Variants in GAN observed in about 807,000 individuals in gnomAD.
The protein encoded by GAN is gigaxonin.
In GAN, 48 loss-of-function variants were observed where a neutral mutation model predicts 71.3. The ratio of observed to expected loss-of-function variants is 0.67; its 90% CI spans 0.53 to 0.86. GAN has a LOEUF of 0.86. Ranked by LOEUF, GAN falls within the 40% of genes least tolerant of loss-of-function variation. The probability of loss-of-function intolerance (pLI) is 0.00; values close to 1 mark genes in which losing one functional copy is unlikely to be tolerated. For synonymous variants in GAN, 386 were observed against 276.8 expected (o/e 1.39, Z -3.92); for missense variants, 928 against 770.1 (o/e 1.21, Z -2.43).
Position 81,351,571 on chromosome 16 carries a change from TC to T in GAN, c.168-9del. The T allele has an allele frequency of 9.1e-7, 1 of 1,099,358 alleles. No homozygotes were observed. The allele number at this position is 1,099,358 out of a possible 1,614,324, so 68.1% of individuals were successfully genotyped here. Reference sequence around the variant, plus strand: ...CTTTCATAGAAATTTTACATTTTTTTCCCTTTCTTAGGACAAAGTTAAACTA... The same window carrying T: ...CTTTCATAGAAATTTTACATTTTTTTCCTTTCTTAGGACAAAGTTAAACTA... On this transcript the variant is annotated splice_polypyrimidine_tract_variant and intron_variant, in intron 1 of 10. Transcript: ENST00000648994.
chr16:81,330,996 A>G (rs987683550), intron 1 of GAN, among the ~76,000 whole-genome samples: 1 of 152,192 alleles, frequency 6.6e-6, no homozygotes, highest in Non-Finnish European at 1.5e-5. Flanking sequence ...GCTTAAGCCC[A>G]GCAGTCTAGA....
chr16:81,376,315 A>G (rs1904279455), intron 9 of GAN, among the ~76,000 whole-genome samples: 2 of 152,248 alleles, frequency 1.3e-5, no homozygotes, highest in South Asian at 2.1e-4. Context: ...GAACGTCAAC[A>G]GGTGAATGAA....
In GAN at chr16:81,386,258, T is replaced by TC. The variant is rs778237067; in HGVS notation, c.*8663dup. ...ACTAAAGTTGAATTTTCCTTTTTTT[T>TC]CATTGAAATAGCAAAGGTAGTAATC... On this transcript the variant is annotated 3_prime_UTR_variant, in exon 11 of 11. Transcript: ENST00000648994. The TC allele has an allele frequency of 6.6e-6, 1 of 152,252 alleles. No homozygotes were observed. Among genetic ancestry groups the TC allele is most frequent in the Non-Finnish European group, 1.5e-5 (1 of 68,046 alleles). The allele number at this position is 152,252 out of a possible 1,614,324, so 9.4% of individuals were successfully genotyped here.
intron 2 of GAN, among the ~76,000 whole-genome samples, chr16:81,352,588 G>A (rs1306664472): frequency 6.6e-6 from 1 of 151,974 alleles, no homozygotes; most frequent in African/African-American, 2.4e-5. Flanking sequence ...TTCTGTAGGG[G>A]CTGTTTGTCT....
chr16:81,376,648 ATG>A (rs965287329), intron 9 of GAN, among the ~76,000 whole-genome samples: 2 of 150,764 alleles, frequency 1.3e-5, no homozygotes, highest in Non-Finnish European at 2.9e-5. Flanking sequence ...GTGTGTATAT[ATG>A]TGTGTATATA....
rs1338473014 is a variant in GAN at position 81,388,132 on chromosome 16, G to C, written c.*10536G>C. 6.6e-6 allele frequency: 1 copy of C among 152,244 alleles called. No homozygotes were observed. Among genetic ancestry groups the C allele is most frequent in the Admixed American group, 6.5e-5 (1 of 15,276 alleles). The allele number at this position is 152,244 out of a possible 1,614,324, so 9.4% of individuals were successfully genotyped here. The stretch of plus-strand genomic sequence containing the variant: ...GGTGGAGGAAGGGTATTTTGGCCAT[G>C]TTCGGAGTCGTTGTTTTTACTCACT... On this transcript the variant is annotated 3_prime_UTR_variant, in exon 11 of 11. Transcript: ENST00000648994.
chr16:81,360,890 T>C (rs994278809), intron 5 of GAN, among the ~76,000 whole-genome samples: 58 of 152,350 alleles, frequency 3.8e-4, no homozygotes, highest in African/African-American at 1.3e-3. Context: ...ATTTTTGGTA[T>C]GTCTGATATC....
chr16:81,338,768 A>G (rs1056645560), intron 1 of GAN, among the ~76,000 whole-genome samples: 1 of 152,232 alleles, frequency 6.6e-6, no homozygotes, highest in Non-Finnish European at 1.5e-5. Flanking sequence ...TGTGAATGGC[A>G]GAAGGCTGTG....
intron 1 of GAN, among the ~76,000 whole-genome samples, chr16:81,336,437 TA>T (rs942034780): frequency 1.3e-5 from 2 of 152,176 alleles, no homozygotes; most frequent in African/African-American, 4.8e-5. Context: ...GAATGGGTAC[TA>T]AAAACATCCT....
intron 1 of GAN, among the ~76,000 whole-genome samples, chr16:81,326,778 C>T (rs142152892): frequency 2.6e-5 from 4 of 152,218 alleles, no homozygotes; most frequent in East Asian, 1.9e-4. Context: ...TACAACACAG[C>T]GGCAAGTATA....
chr16:81,376,559 ATATATATGTG>A (rs1904281177), intron 9 of GAN, among the ~76,000 whole-genome samples: 2 of 147,072 alleles, frequency 1.4e-5, no homozygotes, highest in African/African-American at 5.3e-5. Flanking sequence ...ACACATATAC[ATATATATGTG>A]TATATGTGTA....
At chr16:81,346,252 C>T (rs1910114903) in intron 1 of GAN, among the ~76,000 whole-genome samples, 1 of 152,164 alleles carries the variant, frequency 6.6e-6, no homozygotes, top group Non-Finnish European at 1.5e-5. Flanking sequence ...GTAAAGAAAA[C>T]TCTAAAAAAT....
Position 81,356,983 on chromosome 16 carries a change from G to T in GAN, c.832G>T (p.Val278Phe). 6.2e-7 allele frequency: 1 copy of T among 1,607,312 alleles called. No individual in the cohort carries two copies. Among genetic ancestry groups the T allele is most frequent in the Non-Finnish European group, 8.5e-7 (1 of 1,174,496 alleles). The change falls in exon 4 of 11, where the codon GTT (valine) becomes TTT (phenylalanine). Residue 278 changes from valine to phenylalanine, a missense_variant. Val to Phe is a conservative substitution (Grantham distance 50, BLOSUM62 -1). Transcript: ENST00000648994. ...GGGCTACTCTGAGTGCATCGTGACTGTTGGTGGAGAAGAGAGAGTGTAAGT... is the reference window on the plus strand; with the variant it reads ...GGGCTACTCTGAGTGCATCGTGACTTTTGGTGGAGAAGAGAGAGTGTAAGT... ...PRGYSECIVT[V>F]GGEERVSRKP...
chr16:81,368,420 G>A (rs1224556839), intron 9 of GAN, among the ~76,000 whole-genome samples: 3 of 152,168 alleles, frequency 2.0e-5, no homozygotes, highest in African/African-American at 4.8e-5. Flanking sequence ...GTAACATAGT[G>A]AGACCTTGTC....
At chr16:81,323,751 C>G (rs1419623701) in intron 1 of GAN, among the ~76,000 whole-genome samples, 2 of 152,160 alleles carry the variant, frequency 1.3e-5, no homozygotes, top group Non-Finnish European at 2.9e-5. Flanking sequence ...AACGAACTGA[C>G]AAGGCCACTG....
chr16:81,318,181 A>G (rs966015952), intron 1 of GAN, among the ~76,000 whole-genome samples: 9 of 152,214 alleles, frequency 5.9e-5, no homozygotes, highest in African/African-American at 2.2e-4. Context: ...GTATTCTAGA[A>G]CTTGATGTTT....
intron 2 of GAN, among the ~76,000 whole-genome samples, chr16:81,353,297 A>AAAAAAAAAAAAAAAAAAACAAAACAAAAC (rs1567490933): frequency 1.8e-4 from 28 of 151,522 alleles, no homozygotes; most frequent in African/African-American, 6.6e-4. Flanking sequence ...GTCTCAAAAA[A>AAAAAAAAAAAAAAAAAAACAAAACAAAAC]AAAAAAAAAC....
intron 1 of GAN, among the ~76,000 whole-genome samples, chr16:81,331,298 A>C (rs1264857798): frequency 4.6e-5 from 7 of 152,220 alleles, no homozygotes; most frequent in African/African-American, 1.7e-4. Context: ...CAAGGAAGGA[A>C]GGACAAACTG....
chr16:81,335,176 G>C (rs1909714314), intron 1 of GAN, among the ~76,000 whole-genome samples: 1 of 151,672 alleles, frequency 6.6e-6, no homozygotes, highest in Non-Finnish European at 1.5e-5. Flanking sequence ...TCCAGGCAGG[G>C]AGGAGGTCAG....
Sources: allele counts gnomAD v4.1 joint callset (sites outside exome capture counted in the v4.1 genomes callset), GRCh38; gene constraint gnomAD v4.1.1; transcripts MANE v1.5; gene names NCBI Gene and HGNC (gene_info 2026-07-23, HGNC 2026-07-21).